Variants in SPIC observed in about 807,000 individuals in gnomAD.
SPIC encodes the protein transcription factor Spi-C.
SPIC carries 9 observed loss-of-function variants against 16.7 expected under a neutral mutation model. That is an observed-to-expected ratio of 0.54 (90% CI 0.33 to 0.94). SPIC has a LOEUF of 0.94. SPIC is among the 40% of genes least tolerant of loss of function. The pLI is 0.03. For missense variants in SPIC, 241 were observed against 285.8 expected (o/e 0.84, Z 1.13); for synonymous variants, 97 against 102.9 (o/e 0.94, Z 0.35).
At chr12:101,479,882 T>G (rs1222861935) in intron 4 of SPIC, among the ~76,000 whole-genome samples, 188 bp downstream of exon 4, 1 of 147,954 alleles carries the variant, frequency 6.8e-6, no homozygotes, top group Non-Finnish European at 1.5e-5. Context: ...AGTAGCTCAA[T>G]CTCAGCTCAC....
chr12:101,477,254 A>G (rs1364195741), intron 2 of SPIC, among the ~76,000 whole-genome samples: 1 of 152,230 alleles, frequency 6.6e-6, no homozygotes, highest in Non-Finnish European at 1.5e-5. Flanking sequence ...ATAGTATACT[A>G]TAATGGAGTG....
Position 101,483,283 on chromosome 12 carries a change from C to T in SPIC, c.319+383C>T, listed in dbSNP as rs534257341. Among the ~76,000 whole-genome samples, 6 of 152,114 alleles carry T rather than the reference C, an allele frequency of 3.9e-5. No individual in the cohort carries two copies. The East Asian group carries it at 1.2e-3, about 29-fold the overall frequency. On this transcript the variant is annotated intron_variant, in intron 5 of 5. Coordinates refer to ENST00000551346, the MANE Select transcript of SPIC (RefSeq NM_152323.3). Reference sequence around the variant, plus strand: ...TTAAAAACAGAGACACAAACACACACATTAGCCTAGGAGTAACAGTGACAG... The same window carrying T: ...TTAAAAACAGAGACACAAACACACATATTAGCCTAGGAGTAACAGTGACAG...
chr12:101,476,378 A>G (rs1308253916), intron 1 of SPIC, among the ~76,000 whole-genome samples: 4 of 152,156 alleles, frequency 2.6e-5, no homozygotes, highest in African/African-American at 9.7e-5. Flanking sequence ...ATATAAGTCC[A>G]ATTTTCATGG....
chr12:101,484,555 T>G (rs1395960088), intron 5 of SPIC, among the ~76,000 whole-genome samples: 2 of 148,886 alleles, frequency 1.3e-5, no homozygotes, highest in East Asian at 3.9e-4. Context: ...TAATAATAAA[T>G]AAAATAAAGA....
rs752163481 is a variant in SPIC at position 101,482,811 on chromosome 12, A to G, written c.230A>G (p.Tyr77Cys). 5 of 1,614,040 alleles carry G rather than the reference A, an allele frequency of 3.1e-6. No homozygotes were observed. Among genetic ancestry groups the G allele is most frequent in the Middle Eastern group, 1.6e-4 (1 of 6,062 alleles). Residue 77 changes from tyrosine to cysteine, a missense_variant, in exon 5 of 6, where the codon TAT becomes TGT. By Grantham distance (194) the Tyr-to-Cys change is radical (BLOSUM62 -2). Transcript: ENST00000551346. ...RTVINSAADF[Y>C]FEGNIHQSLQ... ...ATATAGAACAGTGCTGCGGACTTCT[A>G]TTTTGAAGGAAATATTCATCAATCT...
rs563773075 is a variant in SPIC at position 101,486,732 on chromosome 12, A to G, written c.708A>G (p.Thr236=). ...LNNWNANYNY[T]YANYHELNHH... ...ACTGGAATGCAAATTATAATTATAC[A>G]TATGCCAATTACCATGAGCTAAATC... The change falls in exon 6 of 6, where the codon ACA becomes ACG. Residue 236 remains threonine (T), a synonymous_variant. Transcript: ENST00000551346. 3.6e-5 allele frequency: 57 copies of G among 1,595,480 alleles called. No homozygotes were observed. Among genetic ancestry groups the G allele is most frequent in the South Asian group, 3.1e-4 (28 of 88,986 alleles).
At chr12:101,485,454 C>T (rs1052438659) in intron 5 of SPIC, among the ~76,000 whole-genome samples, 4 of 152,196 alleles carry the variant, frequency 2.6e-5, no homozygotes, top group Non-Finnish European at 4.4e-5. Flanking sequence ...AGAAATATCA[C>T]AGTGCCCATT....
At chr12:101,475,948 G>A (rs1438992752) in intron 1 of SPIC, among the ~76,000 whole-genome samples, 2 of 145,622 alleles carry the variant, frequency 1.4e-5, no homozygotes, top group Non-Finnish European at 3.1e-5. Flanking sequence ...TATTTAATAT[G>A]TTATGTTGAT....
intron 4 of SPIC, 123 bp downstream of exon 4, chr12:101,479,817 TC>T: frequency 3.7e-6 from 2 of 535,994 alleles, no homozygotes; most frequent in Non-Finnish European, 5.7e-6. Context: ...GTTTTTTCTT[TC>T]TTTTTTTTTT....
At chr12:101,484,123 A>G (rs1281032745) in intron 5 of SPIC, among the ~76,000 whole-genome samples, 1 of 151,764 alleles carries the variant, frequency 6.6e-6, no homozygotes, top group Non-Finnish European at 1.5e-5. Flanking sequence ...GTTCCAGTGT[A>G]TTTTACATAT....
At chr12:101,481,194 C>CTTTTT (rs34552801) in intron 4 of SPIC, among the ~76,000 whole-genome samples, 2 of 149,298 alleles carry the variant, frequency 1.3e-5, no homozygotes, top group African/African-American at 4.9e-5. Flanking sequence ...TGGCTGTCAT[C>CTTTTT]TTTTTTTTTT....
At chr12:101,482,725 AC>A in intron 4 of SPIC, 66 bp from the exon 5 acceptor site, 1 of 1,445,094 alleles carries the variant, frequency 6.9e-7, no homozygotes, top group Non-Finnish European at 9.4e-7. Flanking sequence ...CTAACTTTTG[AC>A]TTCAGCCTAT....
intron 1 of SPIC, among the ~76,000 whole-genome samples, chr12:101,476,553 T>C (rs1872962261): frequency 6.6e-6 from 1 of 152,126 alleles, no homozygotes; most frequent in African/African-American, 2.4e-5. Flanking sequence ...ATATATACTT[T>C]TGAGTTATTT....
In SPIC at chr12:101,477,449, A is replaced by G. The variant is rs989021678; in HGVS notation, c.4-109A>G. 15 of 978,180 alleles carry G rather than the reference A, an allele frequency of 1.5e-5. No individual in the cohort carries two copies. The African/African-American group carries it at 1.8e-4, about 11-fold the overall frequency. 60.6% of individuals were successfully genotyped at this position (978,180 alleles called of 1,614,324 possible). A position where few individuals can be genotyped will look rare whatever the true frequency, so the allele number is the denominator to read the frequency against. On this transcript the variant is annotated intron_variant, in intron 2 of 5. Coordinates refer to ENST00000551346, the MANE Select transcript of SPIC (RefSeq NM_152323.3). ...GAGACAGCCAACACCAAATGCCCATAGTGTCAAGATTGAGAAACCCTCCTT... is the reference window on the plus strand; with the variant it reads ...GAGACAGCCAACACCAAATGCCCATGGTGTCAAGATTGAGAAACCCTCCTT...
intron 3 of SPIC, among the ~76,000 whole-genome samples, chr12:101,478,154 C>T (rs1438376437): frequency 6.6e-6 from 1 of 150,948 alleles, no homozygotes; most frequent in African/African-American, 2.4e-5. Flanking sequence ...GCCTCAGCCT[C>T]CCGAGTAGCT....
intron 4 of SPIC, 58 bp downstream of exon 4, chr12:101,479,752 A>G: frequency 2.3e-6 from 3 of 1,303,446 alleles, no homozygotes; most frequent in Admixed American, 1.8e-5. Context: ...CCAGCCTTCC[A>G]TTTCACATAC....
Position 101,477,704 on chromosome 12 carries a change from T to C in SPIC, c.97+53T>C. On this transcript the variant is annotated intron_variant, in intron 3 of 5. Transcript: ENST00000551346. ...GCTGGTACATCAAATGGCTTGTTGG[T>C]CACATACACATATAAGAATAATGAT... 4 of 1,440,656 alleles carry C rather than the reference T, an allele frequency of 2.8e-6. No individual in the cohort carries two copies. In the South Asian group the frequency reaches 3.4e-5, roughly 12 times the overall value. 89.2% of individuals were successfully genotyped at this position (1,440,656 alleles called of 1,614,324 possible). A position where few individuals can be genotyped will look rare whatever the true frequency, so the allele number is the denominator to read the frequency against.
In SPIC at chr12:101,486,372, C is replaced by T. The variant is rs12317175; in HGVS notation, c.348C>T (p.Tyr116=). Residue 116 remains tyrosine (Y), a synonymous_variant, in exon 6 of 6, where the codon TAC becomes TAT. Coordinates refer to ENST00000551346, the MANE Select transcript of SPIC (RefSeq NM_152323.3). The stretch of plus-strand genomic sequence containing the variant: ...GGAAGAAGCTCCGACTGTTTGAATA[C>T]CTTCACGAATCCCTGTATAATCCGG... The part of the protein sequence containing the change: ...KGRKKLRLFE[Y]LHESLYNPEM... 3.8e-3 allele frequency: 6,139 copies of T among 1,612,144 alleles called. 223 individuals carry two copies. The African/African-American group carries it at 0.07, about 18-fold the overall frequency.
chr12:101,486,659 T>C lies in SPIC; in HGVS notation c.635T>C (p.Phe212Ser), dbSNP rs759042009. Residue 212 changes from phenylalanine to serine, a missense_variant, in exon 6 of 6, where the codon TTC becomes TCC. Phe to Ser is a radical substitution (Grantham distance 155, BLOSUM62 -2). Transcript: ENST00000551346. Reference sequence around the variant, plus strand: ...TCCTATTTCCTGGGGAAAGAGATCTTCTATTCACAGTGTGTTCAACCTGAT... The same window carrying C: ...TCCTATTTCCTGGGGAAAGAGATCTCCTATTCACAGTGTGTTCAACCTGAT... ...SPSYFLGKEI[F>S]YSQCVQPDQE... 2.5e-6 allele frequency: 4 copies of C among 1,613,994 alleles called. No homozygotes were observed. Among genetic ancestry groups the C allele is most frequent in the Non-Finnish European group, 3.4e-6 (4 of 1,179,880 alleles).
Sources: gnomAD v4.1 joint callset for allele counts (sites outside exome capture counted in the v4.1 genomes callset) on GRCh38, gnomAD v4.1.1 for gene constraint, MANE v1.5 for transcripts, NCBI Gene and HGNC (gene_info 2026-07-23, HGNC 2026-07-21) for gene names.